HPSE2: variants seen among roughly 807,000 people sequenced by gnomAD.
HPSE2 encodes the protein heparanase 2 (inactive), also known as inactive heparanase-2.
Under a neutral mutation model 60.5 loss-of-function variants are expected in HPSE2, and 38 were observed. The observed-to-expected ratio is 0.63, with a 90% confidence interval of 0.48 to 0.82. HPSE2 has a LOEUF of 0.82. Ranked by LOEUF, HPSE2 falls within the 40% of genes least tolerant of loss-of-function variation. HPSE2 has a pLI of 0.00. For synonymous variants in HPSE2, 295 were observed against 293.2 expected, an observed-to-expected ratio of 1.01 and a Z score of -0.06; for missense variants, 713 against 740.4, an observed-to-expected ratio of 0.96 and a Z score of 0.43.
chr10:98,741,045 A>T (rs1014560918), intron 4 of HPSE2, among the ~76,000 whole-genome samples: 4 of 152,128 alleles, frequency 2.6e-5, no homozygotes, highest in African/African-American at 9.7e-5. Context: ...TATTCTTTAG[A>T]CTCTAAAATG....
intron 6 of HPSE2, among the ~76,000 whole-genome samples, chr10:98,654,525 G>A (rs1947006445): frequency 6.6e-6 from 1 of 152,000 alleles, no homozygotes; most frequent in Non-Finnish European, 1.5e-5. Flanking sequence ...GCCTACTAAA[G>A]GCATTCTTCA....
At chr10:99,160,692 G>A (rs1277630185) in intron 2 of HPSE2, among the ~76,000 whole-genome samples, 1 of 151,816 alleles carries the variant, frequency 6.6e-6, no homozygotes, top group Non-Finnish European at 1.5e-5. Flanking sequence ...GAGGTCAGGA[G>A]ATCGAGACCA....
intron 9 of HPSE2, among the ~76,000 whole-genome samples, chr10:98,537,653 G>C (rs1324758313): frequency 6.6e-6 from 1 of 152,174 alleles, no homozygotes; most frequent in African/African-American, 2.4e-5. Context: ...GGCCGCTTGA[G>C]GGCTCCTTGG....
At chr10:98,983,992 A>T (rs1956273112) in intron 3 of HPSE2, among the ~76,000 whole-genome samples, 1 of 152,242 alleles carries the variant, frequency 6.6e-6, no homozygotes, top group African/African-American at 2.4e-5. Flanking sequence ...CAAAGCAGCC[A>T]GGAAGCTGGA....
chr10:98,938,692 C>A lies in HPSE2; in HGVS notation c.611-194636G>T, dbSNP rs1449883881. Among the ~76,000 whole-genome samples, 2 of 144,024 alleles carry A rather than the reference C, an allele frequency of 1.4e-5. 1 individual carries two copies. Among genetic ancestry groups the A allele is most frequent in the African/African-American group, 5.6e-5 (2 of 35,470 alleles). The allele number at this position is 144,024 out of a possible 152,430, so 94.5% of individuals were successfully genotyped here. On this transcript the variant is annotated intron_variant, in intron 3 of 11. Coordinates refer to ENST00000370552, the MANE Select transcript of HPSE2 (RefSeq NM_021828.5). ...TATTGTCCAGGAGAACTTCCCCAATCTAGCAAGGCACGCCAACATTCAGAC... is the reference window on the plus strand; with the variant it reads ...TATTGTCCAGGAGAACTTCCCCAATATAGCAAGGCACGCCAACATTCAGAC...
chr10:99,186,123 C>CACACACACACACACACACACAT (rs1848003465), intron 2 of HPSE2, among the ~76,000 whole-genome samples: 2 of 145,884 alleles, frequency 1.4e-5, no homozygotes, highest in East Asian at 4.1e-4. Flanking sequence ...CACACACACA[C>CACACACACACACACACACACAT]ACACACACAC....
At chr10:98,807,466 A>T (rs1471412626) in intron 3 of HPSE2, among the ~76,000 whole-genome samples, 1 of 152,206 alleles carries the variant, frequency 6.6e-6, no homozygotes, top group Non-Finnish European at 1.5e-5. Context: ...CTCTTCAGCA[A>T]AATATCATAG....
intron 3 of HPSE2, among the ~76,000 whole-genome samples, chr10:98,757,774 T>C (rs924172299): frequency 2.0e-5 from 3 of 152,148 alleles, no homozygotes; most frequent in Non-Finnish European, 4.4e-5. Flanking sequence ...CCCAAAGCAA[T>C]TTACAGATCC....
At chr10:98,654,639 C>G (rs1463184951) in intron 6 of HPSE2, among the ~76,000 whole-genome samples, 1 of 152,150 alleles carries the variant, frequency 6.6e-6, no homozygotes, top group Non-Finnish European at 1.5e-5. Flanking sequence ...TTGTCTACTT[C>G]CATTAGAGCA....
At chr10:99,094,535 TATATA>T (rs1228218531) in intron 3 of HPSE2, among the ~76,000 whole-genome samples, 1 of 23,344 alleles carries the variant, frequency 4.3e-5, no homozygotes, top group African/African-American at 9.8e-5. Context: ...TATATATATA[TATATA>T]TTTTTTTTTT....
At chr10:98,655,594 T>C (rs1043413088) in intron 6 of HPSE2, among the ~76,000 whole-genome samples, 2 of 152,206 alleles carry the variant, frequency 1.3e-5, no homozygotes, top group African/African-American at 2.4e-5. Context: ...TTTGCTTGTA[T>C]GAAATTTCAG....
intron 11 of HPSE2, among the ~76,000 whole-genome samples, chr10:98,479,867 A>G (rs1941167318): frequency 6.6e-6 from 1 of 152,114 alleles, no homozygotes; most frequent in African/African-American, 2.4e-5. Context: ...TTTCAACCAT[A>G]TTTTCCAAAT....
intron 3 of HPSE2, among the ~76,000 whole-genome samples, chr10:99,012,581 T>C (rs779906223): frequency 1.3e-5 from 2 of 152,202 alleles, no homozygotes; most frequent in Non-Finnish European, 2.9e-5. Context: ...ATATTTGTGT[T>C]ATTTGCTTTT....
At chr10:98,639,548 C>T (rs1231526095) in intron 7 of HPSE2, among the ~76,000 whole-genome samples, 7 of 152,184 alleles carry the variant, frequency 4.6e-5, no homozygotes, top group African/African-American at 1.7e-4. Context: ...TCCCCTTCCC[C>T]TTCTAAGTCC....
At chr10:98,662,110 GTC>G (rs1429992313) in intron 6 of HPSE2, among the ~76,000 whole-genome samples, 2 of 152,102 alleles carry the variant, frequency 1.3e-5, no homozygotes, top group African/African-American at 4.8e-5. Context: ...GGCCAGGATG[GTC>G]TCGATCTCCT....
chr10:99,235,101 T>TACAC (rs10630273), intron 1 of HPSE2, among the ~76,000 whole-genome samples: 17,413 of 147,464 alleles, frequency 0.12, 1,687 homozygotes, highest in African/African-American at 0.26. Flanking sequence ...CTGTCTCACA[T>TACAC]ACACACACAC....
At position 98,457,525 on chromosome 10, in the gene HPSE2, C is replaced by T. The variant is rs1940100325; in HGVS notation, c.*2049G>A. On this transcript the variant is annotated 3_prime_UTR_variant, in exon 12 of 12. Transcript: ENST00000370552. ...CCAGGCTCTTAGGGACCTTTGGTTA[C>T]TCTTGTTATATCAGGGGGCCCTGCA... The T allele has an allele frequency of 6.6e-6, 1 of 152,224 alleles. No homozygotes were observed. The highest frequency in any genetic ancestry group is 1.5e-5 in the Non-Finnish European group (1 of 68,060). 9.4% of individuals were successfully genotyped at this position (152,224 alleles called of 1,614,324 possible).
intron 3 of HPSE2, among the ~76,000 whole-genome samples, chr10:99,071,665 T>C (rs948920830): frequency 1.3e-5 from 2 of 152,262 alleles, no homozygotes; most frequent in African/African-American, 2.4e-5. Context: ...GAAGGTTTCC[T>C]CCTATGTTTT....
intron 7 of HPSE2, among the ~76,000 whole-genome samples, chr10:98,634,699 G>C (rs1226888481): frequency 6.6e-6 from 1 of 152,096 alleles, no homozygotes; most frequent in Non-Finnish European, 1.5e-5. Flanking sequence ...TGGAAGAAGT[G>C]GCATAATGTC....
Sources: allele counts gnomAD v4.1 joint callset (sites outside exome capture counted in the v4.1 genomes callset), GRCh38; gene constraint gnomAD v4.1.1; transcripts MANE v1.5; gene names NCBI Gene and HGNC (gene_info 2026-07-23, HGNC 2026-07-21).